LDHC: variants seen among roughly 807,000 people sequenced by gnomAD.
The protein encoded by LDHC is lactate dehydrogenase C.
In LDHC, 20 loss-of-function variants were observed where a neutral mutation model predicts 30.2. That is an observed-to-expected ratio of 0.66 (90% confidence interval 0.47 to 0.96). The LOEUF (loss-of-function observed/expected upper bound fraction) is 0.96, where lower values mean the gene tolerates loss of function less well. Among genes scored for constraint, LDHC ranks in the 40% least tolerant of loss-of-function variants. The probability of loss-of-function intolerance (pLI) is 0.00; values close to 1 mark genes in which losing one functional copy is unlikely to be tolerated. For synonymous variants in LDHC, 139 were observed against 132.7 expected, an observed-to-expected ratio of 1.05 and a Z score of -0.32; for missense variants, 362 against 394.9, an observed-to-expected ratio of 0.92 and a Z score of 0.71.
At chr11:18,439,359 T>G (rs1174467775) in intron 6 of LDHC, among the ~76,000 whole-genome samples, 2 of 151,824 alleles carry the variant, frequency 1.3e-5, no homozygotes, top group South Asian at 2.1e-4. Context: ...GGTCAGCAGT[T>G]CGAGACCAGC....
At chr11:18,427,225 G>A (rs1233807349) in intron 3 of LDHC, among the ~76,000 whole-genome samples, 1 of 151,832 alleles carries the variant, frequency 6.6e-6, no homozygotes, top group East Asian at 1.9e-4. Context: ...GCATGGTGGT[G>A]GGCTCCTGTA....
At chr11:18,425,975 T>C (rs968636665) in intron 3 of LDHC, among the ~76,000 whole-genome samples, 3 of 150,816 alleles carry the variant, frequency 2.0e-5, no homozygotes, top group Non-Finnish European at 4.4e-5. Flanking sequence ...AGAAAATACA[T>C]ATTGTGAGGT....
At chr11:18,450,894 TTG>T (rs1323333396) in intron 7 of LDHC, 67 bp from the exon 8 acceptor site, 4 of 1,171,394 alleles carry the variant, frequency 3.4e-6, no homozygotes, top group Non-Finnish European at 4.9e-6. Context: ...TACTCTCATT[TTG>T]ATGCCCTTTT....
At chr11:18,414,036 G>T (rs750047622) in intron 2 of LDHC, among the ~76,000 whole-genome samples, 1 of 152,022 alleles carries the variant, frequency 6.6e-6, no homozygotes, top group African/African-American at 2.4e-5. Flanking sequence ...GGCTTAATTC[G>T]TAGAGCCTTT....
chr11:18,425,993 G>A (rs1268402751), intron 3 of LDHC, among the ~76,000 whole-genome samples: 1 of 151,426 alleles, frequency 6.6e-6, no homozygotes, highest in African/African-American at 2.4e-5. Context: ...GGTCTAATGG[G>A]GAAGAGCAAT....
chr11:18,422,938 C>T (rs911534362), intron 3 of LDHC, among the ~76,000 whole-genome samples: 1 of 149,382 alleles, frequency 6.7e-6, no homozygotes, highest in South Asian at 2.1e-4. Flanking sequence ...GCTGAGGTTG[C>T]GCCATTGCAC....
Position 18,440,144 on chromosome 11 carries a change from CAAAAA to C in LDHC, c.710+1515_710+1519del, listed in dbSNP as rs35749455. Among the ~76,000 whole-genome samples, 497 of 83,034 alleles carry C rather than the reference CAAAAA, an allele frequency of 6.0e-3. 8 individuals are homozygous for C. Among genetic ancestry groups the C allele is most frequent in the African/African-American group, 0.019 (476 of 24,532 alleles). The allele number at this position is 83,034 out of a possible 152,430, so 54.5% of individuals were successfully genotyped here. A position where few individuals can be genotyped will look rare whatever the true frequency, so the allele number is the denominator to read the frequency against. ...GTGAAACTCCGTCTCTACTAAAATA[CAAAAA>C]AAAAAAAAAAAAAAATTAGCCGGGT... On this transcript the variant is annotated intron_variant, in intron 6 of 7. Transcript: ENST00000541669.
At chr11:18,420,301 G>T (rs1590224364) in intron 3 of LDHC, among the ~76,000 whole-genome samples, 1 of 152,212 alleles carries the variant, frequency 6.6e-6, no homozygotes, top group East Asian at 1.9e-4. Flanking sequence ...TCAACCCACA[G>T]ATTTAAGAAG....
chr11:18,415,457 A>G (rs116197547), intron 3 of LDHC, among the ~76,000 whole-genome samples, 156 bp downstream of exon 3: 16,474 of 152,154 alleles, frequency 0.11, 940 homozygotes, highest in Admixed American at 0.15. Context: ...TTTTTGAGAG[A>G]GTCTCACTCT....
chr11:18,414,566 G>C (rs945240047), intron 2 of LDHC, among the ~76,000 whole-genome samples: 5 of 152,138 alleles, frequency 3.3e-5, no homozygotes, highest in African/African-American at 1.2e-4. Context: ...AGTGGCTCAG[G>C]CCTGTAATCC....
chr11:18,447,616 C>T (rs565532732), intron 7 of LDHC, among the ~76,000 whole-genome samples: 27 of 152,276 alleles, frequency 1.8e-4, no homozygotes, highest in African/African-American at 6.3e-4. Context: ...ACAGGGAAGA[C>T]TGTGAGCCAT....
intron 7 of LDHC, 186 bp from the exon 8 acceptor site, chr11:18,450,777 A>G (rs1339722245): frequency 8.5e-6 from 4 of 472,692 alleles, no homozygotes; most frequent in Non-Finnish European, 1.5e-5. Context: ...ATGTCACTGA[A>G]TGTAAGTTCC....
At chr11:18,444,617 T>TATATATATATAG (rs1848521541) in intron 6 of LDHC, among the ~76,000 whole-genome samples, 1 of 43,564 alleles carries the variant, frequency 2.3e-5, no homozygotes, top group Non-Finnish European at 4.3e-5. Flanking sequence ...TATATATATA[T>TATATATATATAG]ATATATATAT....
chr11:18,414,826 C>CAAACA (rs112382681), intron 2 of LDHC, among the ~76,000 whole-genome samples: 1,790 of 151,796 alleles, frequency 0.012, 39 homozygotes, highest in African/African-American at 0.041. Flanking sequence ...GACTTCATCT[C>CAAACA]AAACAAAACA....
chr11:18,443,443 C>CT (rs1341406046), intron 6 of LDHC, among the ~76,000 whole-genome samples: 21 of 144,262 alleles, frequency 1.5e-4, no homozygotes, highest in African/African-American at 4.8e-4. Context: ...AATGGTAGTT[C>CT]TTTCTTTTCT....
chr11:18,432,421 T>C (rs1848282978), intron 4 of LDHC, among the ~76,000 whole-genome samples: 1 of 152,210 alleles, frequency 6.6e-6, no homozygotes, highest in Non-Finnish European at 1.5e-5. Context: ...TGCTGTTGAA[T>C]AGGATGTGTA....
intron 5 of LDHC, among the ~76,000 whole-genome samples, chr11:18,435,911 A>T (rs957683456): frequency 6.6e-6 from 1 of 152,228 alleles, no homozygotes; most frequent in Admixed American, 6.5e-5. Flanking sequence ...TTAAACATTT[A>T]GTCTCTGCTA....
intron 3 of LDHC, among the ~76,000 whole-genome samples, chr11:18,420,070 G>A (rs1296982882): frequency 2.0e-5 from 3 of 151,852 alleles, no homozygotes; most frequent in African/African-American, 7.3e-5. Context: ...TCCAGCCTGG[G>A]CGACAAAGTG....
chr11:18,450,764 T>C, intron 7 of LDHC, 199 bp from the exon 8 acceptor site: 1 of 459,948 alleles, frequency 2.2e-6, no homozygotes, highest in African/African-American at 2.1e-5. Flanking sequence ...TGGCATCTTC[T>C]TCATGTCACT....
Sources: gnomAD v4.1 joint callset for allele counts (sites outside exome capture counted in the v4.1 genomes callset) on GRCh38, gnomAD v4.1.1 for gene constraint, MANE v1.5 for transcripts, NCBI Gene and HGNC (gene_info 2026-07-23, HGNC 2026-07-21) for gene names.